SNX14: variants seen among roughly 807,000 people sequenced by gnomAD.
The protein encoded by SNX14 is sorting nexin 14.
A neutral mutation model predicts 133.8 loss-of-function variants in SNX14; 93 were observed. The ratio of observed to expected loss-of-function variants is 0.70; its 90% CI spans 0.59 to 0.83. The LOEUF (loss-of-function observed/expected upper bound fraction) is 0.83. Among genes scored for constraint, SNX14 ranks in the 40% least tolerant of loss-of-function variants. The pLI is 0.00. For missense variants in SNX14, 945 were observed against 1,094.9 expected (o/e 0.86, Z 1.93); for synonymous variants, 368 against 365.6 (o/e 1.01, Z -0.07).
chr6:85,558,147 T>A, intron 6 of SNX14, 87 bp from the exon 7 acceptor site: 1 of 689,200 alleles, frequency 1.5e-6, no homozygotes, highest in Non-Finnish European at 2.5e-6. Flanking sequence ...TTGGAATATA[T>A]CTTAAAAATT....
chr6:85,580,880 G>C (rs1325421017), intron 1 of SNX14, among the ~76,000 whole-genome samples: 1 of 152,098 alleles, frequency 6.6e-6, no homozygotes, highest in Admixed American at 6.5e-5. Context: ...TCCTGGTCCT[G>C]GCTCCTGGAT....
At chr6:85,576,654 A>G (rs536562201) in intron 1 of SNX14, among the ~76,000 whole-genome samples, 1 of 152,224 alleles carries the variant, frequency 6.6e-6, no homozygotes, top group South Asian at 2.1e-4. Flanking sequence ...GAATGATGCC[A>G]GAATTCAGAG....
intron 17 of SNX14, 130 bp downstream of exon 17, chr6:85,536,662 G>C: frequency 1.3e-6 from 1 of 762,306 alleles, no homozygotes; most frequent in Non-Finnish European, 2.0e-6. Context: ...TCTGAAGTAA[G>C]AAGATAAAGG....
Position 85,514,038 on chromosome 6 carries a change from A to C in SNX14, c.2557+32T>G, listed in dbSNP as rs755062091. ...TCAATTAAAATCATAGAGTACACAA[A>C]ATATGAAACAAACACATTAGAAAAT... On this transcript the variant is annotated intron_variant, in intron 25 of 28. Coordinates refer to ENST00000314673, the MANE Select transcript of SNX14 (RefSeq NM_153816.6). 7.6e-6 allele frequency: 12 copies of C among 1,586,412 alleles called. No homozygotes were observed. In the East Asian group the frequency reaches 2.7e-4, roughly 35 times the overall value.
At chr6:85,572,082 AT>A in intron 4 of SNX14, 54 bp downstream of exon 4, 1 of 1,476,368 alleles carries the variant, frequency 6.8e-7, no homozygotes, top group South Asian at 1.2e-5. Context: ...ATTCTGGAAA[AT>A]TTTTCCACAG....
chr6:85,541,857 TA>T, intron 15 of SNX14, 127 bp downstream of exon 15: 1 of 570,744 alleles, frequency 1.8e-6, no homozygotes, highest in Non-Finnish European at 2.9e-6. Flanking sequence ...AATTCACTAG[TA>T]AAATGCCTTG....
chr6:85,572,498 C>G (rs958766361), intron 2 of SNX14, 124 bp from the exon 3 acceptor site: 6 of 718,072 alleles, frequency 8.4e-6, no homozygotes, highest in Non-Finnish European at 1.4e-5. Flanking sequence ...TTTTTGTCTA[C>G]TTTAACAGTG....
chr6:85,586,481 C>T (rs1237142207), intron 1 of SNX14, among the ~76,000 whole-genome samples: 1 of 152,022 alleles, frequency 6.6e-6, no homozygotes, highest in Non-Finnish European at 1.5e-5. Context: ...TATTTTTACC[C>T]AATAGGGAAA....
At chr6:85,539,164 C>T (rs1480869781) in intron 15 of SNX14, among the ~76,000 whole-genome samples, 1 of 152,122 alleles carries the variant, frequency 6.6e-6, no homozygotes, top group Non-Finnish European at 1.5e-5. Context: ...CAGGAAATAA[C>T]TGACTTTTTT....
At chr6:85,574,518 G>T in intron 1 of SNX14, 140 bp from the exon 2 acceptor site, 1 of 550,790 alleles carries the variant, frequency 1.8e-6, no homozygotes, top group African/African-American at 1.9e-5. Context: ...TTAATTTTTT[G>T]TAATGTATTA....
In SNX14 at chr6:85,593,631, G is replaced by T; in HGVS notation, c.88C>A (p.Leu30Met). The change falls in exon 1 of 29, where the codon CTG (leucine) becomes ATG (methionine). Residue 30 changes from leucine to methionine, a missense_variant. Physicochemically the swap from Leu to Met is conservative, Grantham distance 15 (BLOSUM62 2). Coordinates refer to ENST00000314673, the MANE Select transcript of SNX14 (RefSeq NM_153816.6). ...VGREICRQYP[L>M]FCFLLLCLSA... ...AGACAGAGCAGCAGGAAGCAGAACA[G>T]CGGGTACTGGCGGCAGATCTCGCGT... The T allele has an allele frequency of 6.2e-7, 1 of 1,612,646 alleles. No individual in the cohort carries two copies. The highest frequency in any genetic ancestry group is 1.1e-5 in the South Asian group (1 of 91,022).
At position 85,514,150 on chromosome 6, in the gene SNX14, T is replaced by C. The variant is rs369638070; in HGVS notation, c.2477A>G (p.Tyr826Cys). 14 of 1,613,934 alleles carry C rather than the reference T, an allele frequency of 8.7e-6. No individual in the cohort carries two copies. The highest frequency in any genetic ancestry group is 1.1e-5 in the Non-Finnish European group (13 of 1,179,962). Residue 826 changes from tyrosine (Y) to cysteine (C), a missense_variant, in exon 25 of 29, where the codon TAT becomes TGT. Around this residue, in one of 3 missense-constraint regions of SNX14, gnomAD observed 412 missense variants for 516.6 expected, o/e 0.80. Coordinates refer to ENST00000314673, the MANE Select transcript of SNX14 (RefSeq NM_153816.6). ...TTTACACTGAAGATAGTAATCAGTA[T>C]ACATTTCCAGGGTGTTTTTAAAGAG... ...RILFKNTLEMYTDYYLQCKLE... is the reference protein window; with the variant it reads ...RILFKNTLEMCTDYYLQCKLE...
rs1197904876 is a variant in SNX14, at chr6:85,518,074, T to C, written c.2108-26A>G. The C allele has an allele frequency of 5.1e-6, 8 of 1,575,806 alleles. No homozygotes were observed. The South Asian group carries it at 8.0e-5, about 16-fold the overall frequency. On this transcript the variant is annotated intron_variant, in intron 21 of 28. Transcript: ENST00000314673. ...CTGCAATTAAAAGTAAAACATTATT[T>C]TAGGAAGGCATAAAACTCTTCATAA...
intron 18 of SNX14, 36 bp from the exon 19 acceptor site, chr6:85,530,311 A>C (rs1166899947): frequency 7.6e-7 from 1 of 1,315,726 alleles, no homozygotes; most frequent in East Asian, 2.5e-5. Context: ...AGTAACAAAT[A>C]ATTTCAAAAC....
At chr6:85,513,502 G>C (rs1370112656) in intron 26 of SNX14, among the ~76,000 whole-genome samples, 1 of 152,126 alleles carries the variant, frequency 6.6e-6, no homozygotes, top group Non-Finnish European at 1.5e-5. Context: ...ATGGTGTCGT[G>C]GACACAGGCC....
At chr6:85,585,991 A>G (rs1216833611) in intron 1 of SNX14, among the ~76,000 whole-genome samples, 1 of 131,080 alleles carries the variant, frequency 7.6e-6, no homozygotes, top group Non-Finnish European at 1.6e-5. Flanking sequence ...CCGCAACAGG[A>G]AAAAAAAAAA....
intron 18 of SNX14, among the ~76,000 whole-genome samples, chr6:85,531,682 T>TAC (rs1226408794): frequency 7.2e-5 from 11 of 152,280 alleles, no homozygotes; most frequent in African/African-American, 2.6e-4. Context: ...AAGAGCACAT[T>TAC]ACATTGACAG....
intron 6 of SNX14, among the ~76,000 whole-genome samples, chr6:85,559,025 TTAATA>T (rs1337827301): frequency 6.6e-6 from 1 of 152,054 alleles, no homozygotes; most frequent in African/African-American, 2.4e-5. Context: ...ACCATAAAAC[TTAATA>T]TATTATATAT....
intron 1 of SNX14, among the ~76,000 whole-genome samples, chr6:85,578,920 G>A (rs1322401787): frequency 6.6e-6 from 1 of 152,114 alleles, no homozygotes; most frequent in Non-Finnish European, 1.5e-5. Context: ...CGGATCACCT[G>A]AGCTCAGGAG....
Sources: gnomAD v4.1 joint callset for allele counts (sites outside exome capture counted in the v4.1 genomes callset) on GRCh38, gnomAD v4.1.1 for gene constraint, gnomAD v4.1.1 regional missense constraint, MANE v1.5 for transcripts, NCBI Gene and HGNC (gene_info 2026-07-23, HGNC 2026-07-21) for gene names.